COL5A2: variants seen among roughly 807,000 people sequenced by gnomAD.
The protein encoded by COL5A2 is collagen alpha-2(V) chain.
COL5A2 carries 23 observed loss-of-function variants against 208.2 expected under a neutral mutation model. That is an observed-to-expected ratio of 0.11 (90% confidence interval 0.08 to 0.16). The LOEUF is 0.16. COL5A2 is among the 10% of genes least tolerant of loss of function. The pLI is 1.00. For synonymous variants in COL5A2, 625 were observed against 628.5 expected, an observed-to-expected ratio of 0.99 and a Z score of 0.08; for missense variants, 1,590 against 1,956.4, an observed-to-expected ratio of 0.81 and a Z score of 3.53.
intron 34 of COL5A2, 28 bp downstream of exon 34, chr2:189,057,290 GAA>G (rs34715449): frequency 0.018 from 12,619 of 699,390 alleles, no homozygotes; most frequent in Middle Eastern, 0.036. Flanking sequence ...TAAATGAACT[GAA>G]AAAAAAAAAA....
At chr2:189,210,189 T>TC (rs1689194308) in intron 1 of COL5A2, among the ~76,000 whole-genome samples, 1 of 152,194 alleles carries the variant, frequency 6.6e-6, no homozygotes, top group Admixed American at 6.5e-5. Flanking sequence ...TTCAACTGTT[T>TC]CTTTTTTCTT....
intron 1 of COL5A2, among the ~76,000 whole-genome samples, chr2:189,154,133 A>C (rs553376483): frequency 6.6e-6 from 1 of 152,308 alleles, no homozygotes; most frequent in South Asian, 2.1e-4. Flanking sequence ...ATACACACAT[A>C]TGCATGCACA....
Position 189,037,374 on chromosome 2 carries a change from G to A in COL5A2, c.3926-571C>T, listed in dbSNP as rs560561909. On this transcript the variant is annotated intron_variant, in intron 51 of 53. Transcript: ENST00000374866. ...TACAGTCAAATACACAATTTAATAT[G>A]CATTTGCATACATGGGTGTGTGTAT... Among the ~76,000 whole-genome samples, 7 of 152,266 alleles carry A rather than the reference G, an allele frequency of 4.6e-5. No individual in the cohort carries two copies. In the South Asian group the frequency reaches 1.5e-3, roughly 32 times the overall value.
intron 52 of COL5A2, 143 bp from the exon 53 acceptor site, chr2:189,035,298 T>C (rs890350369): frequency 2.5e-5 from 27 of 1,095,292 alleles, no homozygotes; most frequent in African/African-American, 1.6e-5. Context: ...AAGTAAGCTA[T>C]TCTAGCTGTA....
chr2:189,437,988 T>C, the COL5A2 span, among the ~76,000 whole-genome samples: 2 of 151,634 alleles, frequency 1.3e-5, no homozygotes, highest in Non-Finnish European at 2.9e-5. Flanking sequence ...AAAATTTTAT[T>C]AAATAAAAAA....
At position 189,053,876 on chromosome 2, in the gene COL5A2, C is replaced by A. The variant is rs781391765; in HGVS notation, c.2499+19G>T. The A allele has an allele frequency of 4.4e-6, 7 of 1,607,808 alleles. No homozygotes were observed. The highest frequency in any genetic ancestry group is 1.7e-5 in the Admixed American group (1 of 59,922). On this transcript the variant is annotated intron_variant, in intron 37 of 53. Transcript: ENST00000374866. ...TTGCTCAATCTCACACTAAAGAACACCAAAATACTGTCACTTACAGGATTG... is the reference window on the plus strand; with the variant it reads ...TTGCTCAATCTCACACTAAAGAACAACAAAATACTGTCACTTACAGGATTG...
chr2:189,106,002 T>C (rs567896164), intron 2 of COL5A2, among the ~76,000 whole-genome samples: 8 of 151,628 alleles, frequency 5.3e-5, no homozygotes, highest in African/African-American at 1.7e-4. Flanking sequence ...TATTCATGTA[T>C]CTACATCACA....
chr2:189,128,676 G>A (rs1687654422), intron 1 of COL5A2, among the ~76,000 whole-genome samples: 1 of 151,878 alleles, frequency 6.6e-6, no homozygotes, highest in Admixed American at 6.6e-5. Context: ...GTATTTTGAT[G>A]CCAGATTCAG....
the COL5A2 span, among the ~76,000 whole-genome samples, chr2:189,338,491 G>A: frequency 4.6e-5 from 7 of 151,764 alleles, no homozygotes; most frequent in African/African-American, 1.7e-4. Context: ...TTCCCCCAAG[G>A]CCTCTTCTCC....
chr2:189,038,106 A>G (rs1281137670), intron 51 of COL5A2, among the ~76,000 whole-genome samples: 1 of 151,650 alleles, frequency 6.6e-6, no homozygotes, highest in Non-Finnish European at 1.5e-5. Context: ...TATGATGCTG[A>G]GGTTTGGGGT....
chr2:189,396,558 G>C, the COL5A2 span, among the ~76,000 whole-genome samples: 129,380 of 151,442 alleles, frequency 0.85, 56,394 homozygotes, highest in Non-Finnish European at 0.95. Flanking sequence ...CCTATAGTCC[G>C]AGCTACTCCG....
chr2:189,308,947 T>C, the COL5A2 span, among the ~76,000 whole-genome samples: 1 of 152,250 alleles, frequency 6.6e-6, no homozygotes, highest in Non-Finnish European at 1.5e-5. Context: ...TCACTCATAT[T>C]TGACTCAGAA....
intron 41 of COL5A2, 67 bp from the exon 42 acceptor site, chr2:189,051,548 A>C: frequency 7.0e-7 from 1 of 1,429,998 alleles, no homozygotes. Context: ...GATTGACATA[A>C]CGCTGTCTGC....
intron 1 of COL5A2, among the ~76,000 whole-genome samples, chr2:189,176,491 T>C (rs1047217083): frequency 3.3e-5 from 5 of 152,172 alleles, no homozygotes; most frequent in African/African-American, 1.2e-4. Context: ...CCCTTCTCCA[T>C]TGCTTATCCC....
At chr2:189,305,837 A>G in the COL5A2 span, among the ~76,000 whole-genome samples, 1 of 151,066 alleles carries the variant, frequency 6.6e-6, no homozygotes, top group Non-Finnish European at 1.5e-5. Flanking sequence ...AAAAAACTAG[A>G]CATATATGCT....
At chr2:189,385,779 C>A in the COL5A2 span, among the ~76,000 whole-genome samples, 10 of 152,086 alleles carry the variant, frequency 6.6e-5, no homozygotes, top group African/African-American at 2.4e-4. Flanking sequence ...AAACCAGACA[C>A]AGAGACCAAT....
chr2:189,102,655 A>G (rs563588917), intron 3 of COL5A2, among the ~76,000 whole-genome samples: 1 of 152,186 alleles, frequency 6.6e-6, no homozygotes, highest in African/African-American at 2.4e-5. Flanking sequence ...ATTACCATGG[A>G]AGCAGTTATA....
At chr2:189,163,260 T>C (rs1341848907) in intron 1 of COL5A2, among the ~76,000 whole-genome samples, 1 of 152,096 alleles carries the variant, frequency 6.6e-6, no homozygotes, top group Non-Finnish European at 1.5e-5. Flanking sequence ...TTGGAAAAAA[T>C]AAGCATTGCA....
At chr2:189,055,738 T>C (rs1559081922) in intron 35 of COL5A2, among the ~76,000 whole-genome samples, 1 of 152,242 alleles carries the variant, frequency 6.6e-6, no homozygotes, top group Non-Finnish European at 1.5e-5. Context: ...TGCAACAATG[T>C]AGTGTCCTCA....
Sources: gnomAD v4.1 joint callset for allele counts (sites outside exome capture counted in the v4.1 genomes callset) on GRCh38, gnomAD v4.1.1 for gene constraint, MANE v1.5 for transcripts, NCBI Gene and HGNC (gene_info 2026-07-23, HGNC 2026-07-21) for gene names.